CSMD1: variants seen among roughly 807,000 people sequenced by gnomAD.
CSMD1 encodes the protein CUB and Sushi multiple domains 1, also known as CUB and sushi domain-containing protein 1.
CSMD1 carries 213 observed loss-of-function variants against 417.5 expected under a neutral mutation model. The observed-to-expected ratio is 0.51, with a 90% confidence interval of 0.46 to 0.57. The LOEUF (loss-of-function observed/expected upper bound fraction) is 0.57. CSMD1 is among the 20% of genes least tolerant of loss of function. The probability of loss-of-function intolerance (pLI) is 0.00; values close to 1 mark genes in which losing one functional copy is unlikely to be tolerated. For synonymous variants in CSMD1, 2,862 were observed against 1,736.8 expected (o/e 1.65, Z -16.11); for missense variants, 6,923 against 4,529.7 (o/e 1.53, Z -15.17).
intron 5 of CSMD1, among the ~76,000 whole-genome samples, chr8:3,761,500 ATTTTTTTTTTT>A (rs57655479): frequency 1.1e-5 from 1 of 93,362 alleles, no homozygotes; most frequent in Non-Finnish European, 2.0e-5. Flanking sequence ...CAAAACGACC[ATTTTTTTTTTT>A]TTTTTTTTTT....
chr8:3,819,134 C>G (rs1248295301), intron 5 of CSMD1, among the ~76,000 whole-genome samples: 1 of 152,144 alleles, frequency 6.6e-6, no homozygotes, highest in Non-Finnish European at 1.5e-5. Context: ...ATTTGCTGGT[C>G]TAGCAGGCGG....
At chr8:4,498,505 T>A (rs935796614) in intron 2 of CSMD1, among the ~76,000 whole-genome samples, 2 of 152,202 alleles carry the variant, frequency 1.3e-5, no homozygotes, top group African/African-American at 4.8e-5. Flanking sequence ...TTGATTTAAA[T>A]CACTAAATTA....
chr8:3,093,429 G>C (rs1238425674), intron 47 of CSMD1, among the ~76,000 whole-genome samples: 1 of 152,172 alleles, frequency 6.6e-6, no homozygotes, highest in Non-Finnish European at 1.5e-5. Context: ...CGCTTTGGGA[G>C]GTAGAGGCGA....
At chr8:4,872,303 C>CA (rs1453927819) in intron 1 of CSMD1, among the ~76,000 whole-genome samples, 16 of 152,006 alleles carry the variant, frequency 1.1e-4, no homozygotes, top group Non-Finnish European at 1.9e-4. Flanking sequence ...TGTCCCCACC[C>CA]AAATCTCATC....
At chr8:4,468,842 A>T (rs966141414) in intron 2 of CSMD1, among the ~76,000 whole-genome samples, 1 of 152,208 alleles carries the variant, frequency 6.6e-6, no homozygotes, top group Non-Finnish European at 1.5e-5. Context: ...CAGCAATTGA[A>T]TTATCAATTA....
chr8:3,305,575 C>T (rs1031854435), intron 25 of CSMD1, among the ~76,000 whole-genome samples: 2 of 151,278 alleles, frequency 1.3e-5, no homozygotes, highest in South Asian at 2.1e-4. Flanking sequence ...TACTTCCTTG[C>T]TATGTGATGC....
chr8:3,770,958 G>A (rs1455400257), intron 5 of CSMD1, among the ~76,000 whole-genome samples: 1 of 152,066 alleles, frequency 6.6e-6, no homozygotes, highest in African/African-American at 2.4e-5. Context: ...GAGGTAAGCA[G>A]AAATTGCCCA....
chr8:4,966,835 C>G (rs1012129576), intron 1 of CSMD1, among the ~76,000 whole-genome samples: 3 of 152,160 alleles, frequency 2.0e-5, no homozygotes, highest in African/African-American at 4.8e-5. Flanking sequence ...ACATGCCCTT[C>G]AAATTACTGA....
chr8:3,094,083 G>GTT (rs36032306), intron 47 of CSMD1, among the ~76,000 whole-genome samples: 16 of 150,004 alleles, frequency 1.1e-4, no homozygotes, highest in East Asian at 1.9e-4. Flanking sequence ...GAGTTTTAGG[G>GTT]TTTTTTTTAT....
chr8:3,311,426 T>G (rs966272720), intron 23 of CSMD1, among the ~76,000 whole-genome samples: 2 of 152,076 alleles, frequency 1.3e-5, no homozygotes, highest in African/African-American at 4.8e-5. Context: ...ATTTTTGTAT[T>G]TTTAGTAGAG....
chr8:4,502,079 T>C (rs1257187220), intron 2 of CSMD1, among the ~76,000 whole-genome samples: 3 of 152,172 alleles, frequency 2.0e-5, no homozygotes, highest in Admixed American at 6.5e-5. Flanking sequence ...TATTTCTACA[T>C]ATGTTACCTA....
intron 1 of CSMD1, among the ~76,000 whole-genome samples, chr8:4,991,702 G>T (rs1472482553): frequency 6.6e-6 from 1 of 152,120 alleles, no homozygotes; most frequent in Non-Finnish European, 1.5e-5. Context: ...CCGGGGGGAG[G>T]CCCGACCTTG....
At chr8:2,977,819 G>A (rs1805063430) in intron 55 of CSMD1, among the ~76,000 whole-genome samples, 1 of 152,088 alleles carries the variant, frequency 6.6e-6, no homozygotes, top group Non-Finnish European at 1.5e-5. Flanking sequence ...ATAAACATAT[G>A]AAAAAAGCTC....
At chr8:4,842,376 A>T in intron 1 of CSMD1, among the ~76,000 whole-genome samples, 1 of 152,146 alleles carries the variant, frequency 6.6e-6, no homozygotes, top group East Asian at 1.9e-4. Context: ...CTTCTTCTTA[A>T]TTTTTATTCC....
At chr8:3,125,948 G>A (rs537668839) in intron 41 of CSMD1, among the ~76,000 whole-genome samples, 260 of 152,308 alleles carry the variant, frequency 1.7e-3, no homozygotes, top group African/African-American at 5.7e-3. Flanking sequence ...CTGCACTCCA[G>A]CATGGGTGAC....
chr8:3,443,656 A>T (rs752206830), intron 12 of CSMD1, among the ~76,000 whole-genome samples: 4 of 152,218 alleles, frequency 2.6e-5, no homozygotes, highest in Non-Finnish European at 5.9e-5. Context: ...AAGTATGCAA[A>T]TCTTTGTATA....
chr8:3,134,363 G>C (rs1423050055), intron 41 of CSMD1, among the ~76,000 whole-genome samples: 1 of 152,126 alleles, frequency 6.6e-6, no homozygotes, highest in Non-Finnish European at 1.5e-5. Flanking sequence ...GGATTCCACG[G>C]TCACAGGCAG....
intron 37 of CSMD1, among the ~76,000 whole-genome samples, chr8:3,179,224 C>A (rs35351431): frequency 6.6e-6 from 1 of 151,982 alleles, no homozygotes. Flanking sequence ...GGATTACAGG[C>A]GTGAGCCACC....
chr8:2,957,636 G>A (rs945752867), intron 63 of CSMD1, 60 bp downstream of exon 63: 76 of 1,069,040 alleles, frequency 7.1e-5, no homozygotes, highest in South Asian at 6.9e-4. Context: ...TGGTAAACAC[G>A]TCTCAGACAT....
Sources: gnomAD v4.1 joint callset for allele counts (sites outside exome capture counted in the v4.1 genomes callset) on GRCh38, gnomAD v4.1.1 for gene constraint, MANE v1.5 for transcripts, NCBI Gene and HGNC (gene_info 2026-07-23, HGNC 2026-07-21) for gene names.